The following MACROH2A1 variants were observed in gnomAD, a reference collection of about 807,000 sequenced individuals.
MACROH2A1 encodes core histone macro-H2A.1.
In MACROH2A1, 2 loss-of-function variants were observed where a neutral mutation model predicts 31.6. That is an observed-to-expected ratio of 0.06 (90% confidence interval 0.03 to 0.20). The LOEUF (loss-of-function observed/expected upper bound fraction) is 0.20. Ranked by LOEUF, MACROH2A1 falls within the 10% of genes least tolerant of loss-of-function variation. The probability of loss-of-function intolerance (pLI) is 1.00; values close to 1 mark genes in which losing one functional copy is unlikely to be tolerated. For missense variants in MACROH2A1, 230 were observed against 474.0 expected (o/e 0.49, Z 4.78); for synonymous variants, 169 against 189.6 (o/e 0.89, Z 0.89).
intron 1 of MACROH2A1, among the ~76,000 whole-genome samples, chr5:135,390,446 G>A (rs1314130284): frequency 6.6e-6 from 1 of 152,196 alleles, no homozygotes; most frequent in Non-Finnish European, 1.5e-5. Flanking sequence ...GGTCCCTGTG[G>A]AACTGGTGGG....
At chr5:135,353,095 CAG>C (rs1343658764) in intron 5 of MACROH2A1, 50 bp from the exon 6 acceptor site, 1 of 1,172,930 alleles carries the variant, frequency 8.5e-7, no homozygotes, top group Non-Finnish European at 1.3e-6. Context: ...TGGGAAGTCT[CAG>C]AGAAGGAGCC....
chr5:135,381,146 G>A (rs909264284), intron 2 of MACROH2A1, among the ~76,000 whole-genome samples: 1 of 152,224 alleles, frequency 6.6e-6, no homozygotes, highest in Non-Finnish European at 1.5e-5. Flanking sequence ...ATATTCAATT[G>A]TGTTTGGATA....
At position 135,380,967 on chromosome 5, in the gene MACROH2A1, A is replaced by G. The variant is rs147002078; in HGVS notation, c.172+7955T>C. Among the ~76,000 whole-genome samples, 6 of 152,348 alleles carry G rather than the reference A, an allele frequency of 3.9e-5. No homozygotes were observed. The East Asian group carries it at 1.2e-3, about 29-fold the overall frequency. ...TTGGTGTTATTACTTATTAGAGAAA[A>G]GAAGTTCAACAAAAGTAAAAAGACA... On this transcript the variant is annotated intron_variant, in intron 2 of 8. Transcript: ENST00000511689.
At chr5:135,366,999 T>A (rs1763587202) in intron 4 of MACROH2A1, among the ~76,000 whole-genome samples, 1 of 152,156 alleles carries the variant, frequency 6.6e-6, no homozygotes, top group Non-Finnish European at 1.5e-5. Context: ...GACTCAGCTG[T>A]CACAATTGGA....
intron 2 of MACROH2A1, among the ~76,000 whole-genome samples, chr5:135,374,991 C>T (rs1455254512): frequency 1.3e-5 from 2 of 152,208 alleles, no homozygotes; most frequent in Admixed American, 6.5e-5. Flanking sequence ...CAATACTAGA[C>T]TGATTTGGGG....
At chr5:135,351,859 G>A (rs1487245786) in intron 6 of MACROH2A1, among the ~76,000 whole-genome samples, 2 of 151,524 alleles carry the variant, frequency 1.3e-5, no homozygotes, top group African/African-American at 4.8e-5. Flanking sequence ...CACTGCACCT[G>A]GCCTTTGTAT....
chr5:135,341,058 C>T lies in MACROH2A1; in HGVS notation c.953+2202G>A, dbSNP rs886265745. Among the ~76,000 whole-genome samples the T allele has an allele frequency of 5.3e-5, 8 of 152,342 alleles. 1 individual carries two copies. Among genetic ancestry groups the T allele is most frequent in the Admixed American group, 4.6e-4 (7 of 15,304 alleles). Reference sequence around the variant, plus strand: ...TGCTTCAATTAAAAATTTCCCAATACCCATATGAAAGGTTGTGAAATTATT... The same window carrying T: ...TGCTTCAATTAAAAATTTCCCAATATCCATATGAAAGGTTGTGAAATTATT... On this transcript the variant is annotated intron_variant, in intron 8 of 8. Transcript: ENST00000511689.
chr5:135,378,304 G>A (rs548151410), intron 2 of MACROH2A1, among the ~76,000 whole-genome samples: 8 of 152,322 alleles, frequency 5.3e-5, no homozygotes, highest in Admixed American at 2.0e-4. Context: ...CCTTCCCGGC[G>A]GGCCAGCACA....
At chr5:135,358,854 C>G (rs1381313138) in intron 5 of MACROH2A1, 1 of 984,920 alleles carries the variant, frequency 1.0e-6, no homozygotes, top group African/African-American at 1.7e-5. Flanking sequence ...GCCCTGAGAC[C>G]AGATGTATCT....
At chr5:135,342,575 G>C (rs1425403403) in intron 8 of MACROH2A1, among the ~76,000 whole-genome samples, 1 of 152,238 alleles carries the variant, frequency 6.6e-6, no homozygotes, top group Non-Finnish European at 1.5e-5. Flanking sequence ...CCGGGTATGT[G>C]TATGTCTTAG....
At chr5:135,343,906 A>C in intron 7 of MACROH2A1, 1 of 176,116 alleles carries the variant, frequency 5.7e-6, no homozygotes, top group Non-Finnish European at 1.2e-5. Flanking sequence ...AATCTCCCAA[A>C]CCCAATTCAG....
chr5:135,349,514 G>T (rs1467547796), intron 6 of MACROH2A1, among the ~76,000 whole-genome samples: 1 of 152,066 alleles, frequency 6.6e-6, no homozygotes, highest in Non-Finnish European at 1.5e-5. Context: ...AAGTGCCCAG[G>T]AGAGTGATTA....
intron 6 of MACROH2A1, chr5:135,350,747 G>T: frequency 1.2e-6 from 1 of 852,330 alleles, no homozygotes; most frequent in Non-Finnish European, 2.0e-6. Flanking sequence ...CTGCATAGCT[G>T]TCAAAGGATC....
intron 5 of MACROH2A1, chr5:135,357,911 G>A: frequency 1.0e-6 from 1 of 984,780 alleles, no homozygotes; most frequent in Non-Finnish European, 1.2e-6. Flanking sequence ...TGCCTTACAG[G>A]GCTGTAGCAT....
At chr5:135,359,601 C>T (rs941119024) in intron 5 of MACROH2A1, 2 of 984,456 alleles carry the variant, frequency 2.0e-6, no homozygotes, top group Admixed American at 6.2e-5. Flanking sequence ...GGAGAACTTG[C>T]AATGACGTGA....
At chr5:135,382,455 C>T (rs1378719199) in intron 2 of MACROH2A1, among the ~76,000 whole-genome samples, 1 of 152,116 alleles carries the variant, frequency 6.6e-6, no homozygotes, top group Non-Finnish European at 1.5e-5. Flanking sequence ...TGCAAAAAAG[C>T]CAAGTCTAGA....
In MACROH2A1 at chr5:135,369,423, C is replaced by A; in HGVS notation, c.460G>T (p.Gly154Trp). 6.2e-7 allele frequency: 1 copy of A among 1,614,180 alleles called. No individual in the cohort carries two copies. The highest frequency in any genetic ancestry group is 8.5e-7 in the Non-Finnish European group (1 of 1,180,010). The change falls in exon 4 of 9, where the codon GGG becomes TGG. Residue 154 changes from glycine to tryptophan, a missense_variant. Coordinates refer to ENST00000511689, the MANE Select transcript of MACROH2A1 (RefSeq NM_138610.3). This position sits in a 1 kb window ranked among gnomAD's most constrained non-coding sequence, Gnocchi z 4.3. ...PVSKKAGGKK[G>W]ARKSKKKQGE... Reference sequence around the variant, plus strand: ...TCACATACCTTGGATTTCCGGGCCCCTTTCTTGCCTCCTGCTTTTTTAGAT... The same window carrying A: ...TCACATACCTTGGATTTCCGGGCCCATTTCTTGCCTCCTGCTTTTTTAGAT...
chr5:135,366,168 C>G lies in MACROH2A1; in HGVS notation c.477+3238G>C, dbSNP rs977747800. On this transcript the variant is annotated intron_variant, in intron 4 of 8. Coordinates refer to ENST00000511689, the MANE Select transcript of MACROH2A1 (RefSeq NM_138610.3). Reference sequence around the variant, plus strand: ...CTGAGGCTTTCCCAGCCATGTGGAACTGTGACTCAATTAAACTGCTTTTCT... The same window carrying G: ...CTGAGGCTTTCCCAGCCATGTGGAAGTGTGACTCAATTAAACTGCTTTTCT... 7.9e-5 allele frequency among the ~76,000 whole-genome samples: 12 copies of G among 152,342 alleles called. No individual in the cohort carries two copies. The East Asian group carries it at 2.3e-3, about 29-fold the overall frequency.
intron 6 of MACROH2A1, chr5:135,347,300 T>A (rs1760965948): frequency 6.6e-6 from 1 of 152,202 alleles, no homozygotes; most frequent in Admixed American, 6.5e-5. Flanking sequence ...TTGGGCTTTG[T>A]CCCAAATAAG....
Sources: gnomAD v4.1 joint callset for allele counts (sites outside exome capture counted in the v4.1 genomes callset) on GRCh38, gnomAD v4.1.1 for gene constraint, Gnocchi (gnomAD v3.1) non-coding constraint, MANE v1.5 for transcripts, NCBI Gene and HGNC (gene_info 2026-07-23, HGNC 2026-07-21) for gene names.